Variants in ABCC4 observed in about 807,000 individuals in gnomAD.
The protein encoded by ABCC4 is ATP binding cassette subfamily C member 4 (PEL blood group).
A neutral mutation model predicts 168.5 loss-of-function variants in ABCC4; 102 were observed. The ratio of observed to expected loss-of-function variants is 0.61; its 90% CI spans 0.52 to 0.71. The LOEUF (loss-of-function observed/expected upper bound fraction) is 0.71. Ranked by LOEUF, ABCC4 falls within the 30% of genes least tolerant of loss-of-function variation. The probability of loss-of-function intolerance (pLI) is 0.00; values close to 1 mark genes in which losing one functional copy is unlikely to be tolerated. For synonymous variants in ABCC4, 617 were observed against 590.7 expected (o/e 1.04, Z -0.65); for missense variants, 1,402 against 1,605.8 (o/e 0.87, Z 2.17).
chr13:95,163,341 A>G (rs1461164035), intron 17 of ABCC4, 125 bp from the exon 18 acceptor site: 1 of 708,308 alleles, frequency 1.4e-6, no homozygotes, highest in Non-Finnish European at 2.4e-6. Context: ...CAGCTCACTT[A>G]GTCTTGTGTA....
chr13:95,031,638 T>C (rs1339304427), intron 30 of ABCC4, among the ~76,000 whole-genome samples: 2 of 152,240 alleles, frequency 1.3e-5, no homozygotes, highest in African/African-American at 4.8e-5. Flanking sequence ...GGAAGATTAC[T>C]GGACCAGTAA....
At chr13:95,194,120 G>A (rs140718064) in intron 9 of ABCC4, among the ~76,000 whole-genome samples, 2 of 152,358 alleles carry the variant, frequency 1.3e-5, no homozygotes, top group East Asian at 3.9e-4. Context: ...AACAGGAGAT[G>A]CACCGAGCCT....
intron 8 of ABCC4, among the ~76,000 whole-genome samples, chr13:95,203,539 G>A (rs2038692099): frequency 6.6e-6 from 1 of 151,946 alleles, no homozygotes; most frequent in African/African-American, 2.4e-5. Context: ...TATATTTTTA[G>A]TAGAGACGGG....
At chr13:95,116,090 A>T (rs982886372) in intron 19 of ABCC4, 89 bp from the exon 20 acceptor site, 112 of 917,222 alleles carry the variant, frequency 1.2e-4, no homozygotes, top group Non-Finnish European at 1.8e-4. Flanking sequence ...ACAATATTTT[A>T]AATGCATATG....
intron 26 of ABCC4, among the ~76,000 whole-genome samples, chr13:95,062,466 T>C (rs1236538471): frequency 6.9e-6 from 1 of 145,560 alleles, no homozygotes; most frequent in Non-Finnish European, 1.5e-5. Flanking sequence ...CAGAAATCTA[T>C]CTGCGTAAGT....
intron 20 of ABCC4, among the ~76,000 whole-genome samples, chr13:95,114,548 G>T (rs947750058): frequency 4.6e-5 from 7 of 151,946 alleles, no homozygotes; most frequent in Non-Finnish European, 7.4e-5. Flanking sequence ...AACCCAGGAG[G>T]GCACATTTTA....
chr13:95,113,382 T>C (rs1594116318), intron 20 of ABCC4, among the ~76,000 whole-genome samples: 2 of 152,322 alleles, frequency 1.3e-5, no homozygotes, highest in South Asian at 2.1e-4. Context: ...CTGTTATAAC[T>C]AACAGGTTTT....
intron 1 of ABCC4, among the ~76,000 whole-genome samples, chr13:95,296,705 G>A (rs1185429152): frequency 6.6e-6 from 1 of 152,174 alleles, no homozygotes; most frequent in Non-Finnish European, 1.5e-5. Context: ...CTCTGGATCA[G>A]GTGTGGGCAG....
Position 95,020,524 on chromosome 13 carries a change from G to GTAAAC in ABCC4, c.*1046_*1050dup, listed in dbSNP as rs1218786954. The GTAAAC allele has an allele frequency of 6.6e-6, 1 of 152,468 alleles. No homozygotes were observed. The allele number at this position is 152,468 out of a possible 1,614,324, so 9.4% of individuals were successfully genotyped here. On this transcript the variant is annotated 3_prime_UTR_variant, in exon 31 of 31. Coordinates refer to ENST00000645237, the MANE Select transcript of ABCC4 (RefSeq NM_005845.5). ...ATGACAATGCTATTAGTGGTCAGGAGTAAACTAACCTGGACAGGCTCATGA... is the reference window on the plus strand; with the variant it reads ...ATGACAATGCTATTAGTGGTCAGGAGTAAACTAAACTAACCTGGACAGGCTCATGA...
intron 20 of ABCC4, chr13:95,096,233 G>T: frequency 1.7e-6 from 1 of 600,418 alleles, no homozygotes; most frequent in South Asian, 2.1e-5. Flanking sequence ...ATTGGGATAA[G>T]AGAAAGAATC....
intron 11 of ABCC4, among the ~76,000 whole-genome samples, chr13:95,185,691 A>G (rs1333487798): frequency 1.3e-5 from 2 of 150,872 alleles, no homozygotes; most frequent in Admixed American, 6.6e-5. Flanking sequence ...TATGGCCCAA[A>G]GAAGGTAACA....
chr13:95,129,365 G>A (rs771052059), intron 19 of ABCC4, among the ~76,000 whole-genome samples: 1 of 152,152 alleles, frequency 6.6e-6, no homozygotes, highest in African/African-American at 2.4e-5. Context: ...TAAACATAAT[G>A]ATATTTCTGA....
At chr13:95,162,521 C>T (rs778068958) in intron 18 of ABCC4, among the ~76,000 whole-genome samples, 9 of 152,150 alleles carry the variant, frequency 5.9e-5, no homozygotes, top group East Asian at 1.9e-4. Flanking sequence ...GTTGGGGACG[C>T]GATAACATTG....
At chr13:95,177,640 G>A (rs2037750033) in intron 13 of ABCC4, 67 bp downstream of exon 13, 3 of 1,359,798 alleles carry the variant, frequency 2.2e-6, no homozygotes, top group Admixed American at 3.7e-5. Context: ...AGCCATAAAG[G>A]CTTTCCTGAG....
intron 30 of ABCC4, among the ~76,000 whole-genome samples, chr13:95,023,863 T>A (rs995860980): frequency 6.6e-6 from 1 of 152,164 alleles, no homozygotes; most frequent in African/African-American, 2.4e-5. Flanking sequence ...AAGGTAGAAC[T>A]GAAAGATCAT....
intron 4 of ABCC4, among the ~76,000 whole-genome samples, chr13:95,215,873 T>A (rs980998176): frequency 2.4e-4 from 36 of 151,652 alleles, no homozygotes; most frequent in South Asian, 4.2e-4. Flanking sequence ...AAAGAAGGCA[T>A]AAAATTGATA....
At chr13:95,138,053 T>C (rs576562803) in intron 19 of ABCC4, among the ~76,000 whole-genome samples, 3 of 152,290 alleles carry the variant, frequency 2.0e-5, no homozygotes, top group Middle Eastern at 3.4e-3. Flanking sequence ...ACCAATTCTT[T>C]CCCTAAGATA....
chr13:95,234,382 G>GA (rs1174399941), intron 4 of ABCC4, among the ~76,000 whole-genome samples: 4 of 152,044 alleles, frequency 2.6e-5, no homozygotes, highest in South Asian at 4.2e-4. Flanking sequence ...TTTGCATAAA[G>GA]AAAAAAAACA....
intron 1 of ABCC4, among the ~76,000 whole-genome samples, chr13:95,291,059 G>A (rs113372006): frequency 0.19 from 29,152 of 149,598 alleles, 3,209 homozygotes; most frequent in East Asian, 0.37. Context: ...TAGGGTTTCT[G>A]AATGACTGCC....
Sources: allele counts gnomAD v4.1 joint callset (sites outside exome capture counted in the v4.1 genomes callset), GRCh38; gene constraint gnomAD v4.1.1; transcripts MANE v1.5; gene names NCBI Gene and HGNC (gene_info 2026-07-23, HGNC 2026-07-21).